DAB1: variants seen among roughly 807,000 people sequenced by gnomAD.
DAB1 encodes the protein DAB adaptor protein 1.
A neutral mutation model predicts 64.6 loss-of-function variants in DAB1; 15 were observed. The ratio of observed to expected loss-of-function variants is 0.23; its 90% CI spans 0.16 to 0.36. DAB1 has a LOEUF of 0.36. Ranked by LOEUF, DAB1 falls within the 10% of genes least tolerant of loss-of-function variation. DAB1 has a pLI of 1.00. For synonymous variants in DAB1, 235 were observed against 251.9 expected (o/e 0.93, Z 0.64); for missense variants, 596 against 706.7 (o/e 0.84, Z 1.78).
At chr1:58,347,316 C>A (rs953972483) in intron 3 of DAB1, among the ~76,000 whole-genome samples, 2 of 152,162 alleles carry the variant, frequency 1.3e-5, no homozygotes, top group African/African-American at 2.4e-5. Flanking sequence ...CCATGTTAGT[C>A]AGGCTGGTCG....
chr1:57,304,038 T>A (rs1673917709), intron 1 of DAB1, among the ~76,000 whole-genome samples: 1 of 152,186 alleles, frequency 6.6e-6, no homozygotes, highest in Non-Finnish European at 1.5e-5. Flanking sequence ...TTTGTATTAG[T>A]CCATTCTCGT....
chr1:57,819,152 T>C (rs1221551879), intron 6 of DAB1, among the ~76,000 whole-genome samples: 1 of 152,240 alleles, frequency 6.6e-6, no homozygotes, highest in Non-Finnish European at 1.5e-5. Context: ...TCATCAGTCA[T>C]GAAGCAGGGC....
At chr1:57,660,781 G>A (rs1646377297) in intron 6 of DAB1, among the ~76,000 whole-genome samples, 1 of 152,142 alleles carries the variant, frequency 6.6e-6, no homozygotes, top group African/African-American at 2.4e-5. Flanking sequence ...ATAAAATCTT[G>A]GCCTCCTTGC....
chr1:57,543,214 T>TCTCATTGATAGTGAGTGAGTTCTCAC (rs1644822515), intron 7 of DAB1, among the ~76,000 whole-genome samples: 1 of 152,190 alleles, frequency 6.6e-6, no homozygotes, highest in Non-Finnish European at 1.5e-5. Flanking sequence ...AATAGATAAT[T>TCTCATTGATAGTGAGTGAGTTCTCAC]AATACACTGT....
chr1:58,218,170 G>A (rs1008733946), intron 4 of DAB1, among the ~76,000 whole-genome samples: 4 of 152,028 alleles, frequency 2.6e-5, no homozygotes, highest in Admixed American at 6.6e-5. Context: ...AAAGGCTGAC[G>A]TAAGAAAGAA....
intron 2 of DAB1, 74 bp from the exon 3 acceptor site, chr1:57,145,503 G>A: frequency 1.3e-6 from 2 of 1,500,104 alleles, no homozygotes; most frequent in Non-Finnish European, 1.8e-6. Flanking sequence ...ACAATTCCAA[G>A]ATCCGCTGTC....
chr1:58,405,223 T>G lies in DAB1; in HGVS notation n.258-61820A>C, dbSNP rs1271726326. Among the ~76,000 whole-genome samples the G allele has an allele frequency of 2.0e-5, 3 of 152,102 alleles. No individual in the cohort carries two copies. In the East Asian group the frequency reaches 5.8e-4, roughly 29 times the overall value. ...CTAACCCCATTCTTCTCATAGCTGG[T>G]TCCTCATCATGGGGGCTCCTTCAGA... On this transcript the variant is annotated intron_variant and non_coding_transcript_variant, in intron 3 of 20. Transcript: ENST00000485760.
chr1:58,372,873 C>A (rs1432515775), intron 3 of DAB1, among the ~76,000 whole-genome samples: 1 of 152,122 alleles, frequency 6.6e-6, no homozygotes, highest in African/African-American at 2.4e-5. Flanking sequence ...CCTGAGAACT[C>A]CCCACCCCTG....
intron 2 of DAB1, among the ~76,000 whole-genome samples, chr1:57,281,633 A>C (rs1032378181): frequency 8.5e-5 from 13 of 152,156 alleles, no homozygotes; most frequent in African/African-American, 2.7e-4. Context: ...GGAGCCACTC[A>C]CTGAAGGGTT....
At chr1:58,074,388 T>A (rs1649460950) in intron 5 of DAB1, 1 of 150,984 alleles carries the variant, frequency 6.6e-6, no homozygotes, top group Non-Finnish European at 1.5e-5. Flanking sequence ...TTTTTCTCTT[T>A]CATTTTACAG....
intron 4 of DAB1, among the ~76,000 whole-genome samples, chr1:57,103,199 A>G (rs1353460338): frequency 6.6e-6 from 1 of 152,206 alleles, no homozygotes; most frequent in Non-Finnish European, 1.5e-5. Context: ...GGGCTGGTGA[A>G]GAAAAACCAA....
chr1:57,627,486 C>A (rs546816099), intron 7 of DAB1, among the ~76,000 whole-genome samples: 5 of 152,166 alleles, frequency 3.3e-5, no homozygotes, highest in Non-Finnish European at 5.9e-5. Context: ...GTGCTAAGGT[C>A]TTTGCTTATT....
At chr1:57,807,582 C>T (rs1651421068) in intron 6 of DAB1, among the ~76,000 whole-genome samples, 2 of 152,342 alleles carry the variant, frequency 1.3e-5, no homozygotes, top group Admixed American at 6.5e-5. Flanking sequence ...CATATCCTGT[C>T]TTCTATGCTG....
intron 3 of DAB1, among the ~76,000 whole-genome samples, chr1:58,490,121 G>A (rs1164607825): frequency 1.3e-5 from 2 of 152,210 alleles, no homozygotes; most frequent in Non-Finnish European, 2.9e-5. Context: ...AGAGAAGAAT[G>A]CTTCAGACGA....
At chr1:57,400,277 G>T (rs1354657938) in intron 1 of DAB1, among the ~76,000 whole-genome samples, 2 of 152,164 alleles carry the variant, frequency 1.3e-5, no homozygotes, top group African/African-American at 4.8e-5. Context: ...TAACCTCTGA[G>T]TTGGAGAGAA....
intron 7 of DAB1, among the ~76,000 whole-genome samples, chr1:57,642,061 G>T (rs899253060): frequency 6.6e-6 from 1 of 151,634 alleles, no homozygotes; most frequent in African/African-American, 2.4e-5. Context: ...CATGTCCAGG[G>T]TCTGATTTAT....
At chr1:57,238,998 A>T (rs1668314852) in intron 2 of DAB1, among the ~76,000 whole-genome samples, 1 of 152,054 alleles carries the variant, frequency 6.6e-6, no homozygotes. Flanking sequence ...CCAATCATAG[A>T]AGAAAATACT....
intron 2 of DAB1, among the ~76,000 whole-genome samples, chr1:57,175,258 C>T (rs139334052): frequency 2.1e-3 from 322 of 151,802 alleles, no homozygotes; most frequent in Middle Eastern, 6.9e-3. Context: ...TTTATATTTC[C>T]AGTTGAAATA....
chr1:57,529,637 TATAATA>T (rs1266873777), intron 7 of DAB1, among the ~76,000 whole-genome samples: 4 of 152,098 alleles, frequency 2.6e-5, no homozygotes, highest in African/African-American at 7.2e-5. Context: ...GCAAGCAACT[TATAATA>T]ATAATTAAAG....
Sources: gnomAD v4.1 joint callset for allele counts (sites outside exome capture counted in the v4.1 genomes callset) on GRCh38, gnomAD v4.1.1 for gene constraint, MANE v1.5 for transcripts, NCBI Gene and HGNC (gene_info 2026-07-23, HGNC 2026-07-21) for gene names.